TMEM43: variants seen among roughly 807,000 people sequenced by gnomAD.
The protein encoded by TMEM43 is arrhythmogenic right ventricular dysplasia 5.
TMEM43 carries 45 observed loss-of-function variants against 49.6 expected under a neutral mutation model. The ratio of observed to expected loss-of-function variants is 0.91; its 90% CI spans 0.71 to 1.16. The LOEUF is 1.16. TMEM43 is among the 50% of genes most tolerant of loss of function. The pLI is 0.00. For synonymous variants in TMEM43, 199 were observed against 207.8 expected, an observed-to-expected ratio of 0.96 and a Z score of 0.36; for missense variants, 532 against 516.6, an observed-to-expected ratio of 1.03 and a Z score of -0.29.
chr3:14,140,791 G>A (rs1194332143), intron 11 of TMEM43, among the ~76,000 whole-genome samples: 5 of 152,222 alleles, frequency 3.3e-5, no homozygotes, highest in African/African-American at 1.2e-4. Flanking sequence ...TATTATAAGG[G>A]CTGAGTAGCA....
intron 1 of TMEM43, among the ~76,000 whole-genome samples, chr3:14,126,052 C>G (rs1695016695): frequency 6.6e-6 from 1 of 152,122 alleles, no homozygotes; most frequent in Admixed American, 6.5e-5. Flanking sequence ...GTAGAGTGTC[C>G]TAGCAGCTCT....
Position 14,130,824 on chromosome 3 carries a change from C to G in TMEM43, c.165C>G (p.Gly55=), listed in dbSNP as rs1435344075. The G allele has an allele frequency of 5.0e-6, 8 of 1,613,746 alleles. No individual in the cohort carries two copies. Among genetic ancestry groups the G allele is most frequent in the African/African-American group, 1.3e-5 (1 of 75,028 alleles). Residue 55 remains glycine, a splice_region_variant and synonymous_variant, in exon 3 of 12, where the codon GGC becomes GGG. Transcript: ENST00000306077. ...TCCCCACTCCCCTTTGCTCCCAGGGCCGCGCATTGAAGACGGCAACCTCAT... is the reference window on the plus strand; with the variant it reads ...TCCCCACTCCCCTTTGCTCCCAGGGGCGCGCATTGAAGACGGCAACCTCAT... ...LSFYLIFTNE[G]RALKTATSLA...
chr3:14,132,516 AC>A (rs779719982), intron 4 of TMEM43, 29 bp from the exon 5 acceptor site: 7 of 1,613,760 alleles, frequency 4.3e-6, no homozygotes, highest in East Asian at 4.5e-5. Flanking sequence ...GACGAGGCTA[AC>A]CCCCGTGGCT....
intron 6 of TMEM43, 25 bp downstream of exon 6, chr3:14,132,960 G>C: frequency 2.5e-6 from 4 of 1,589,540 alleles, no homozygotes; most frequent in Non-Finnish European, 3.5e-6. Flanking sequence ...CAAGGCCTGA[G>C]TGCAGCTTTG....
intron 6 of TMEM43, 72 bp downstream of exon 6, chr3:14,133,007 C>A (rs1228319534): frequency 1.6e-6 from 2 of 1,290,112 alleles, no homozygotes; most frequent in African/African-American, 1.5e-5. Flanking sequence ...GTTTCTTCAT[C>A]TGAATAACAG....
At chr3:14,127,662 C>G (rs1184945297) in intron 1 of TMEM43, among the ~76,000 whole-genome samples, 1 of 152,194 alleles carries the variant, frequency 6.6e-6, no homozygotes, top group Non-Finnish European at 1.5e-5. Flanking sequence ...CTGTGATAGA[C>G]CCGGTGTGTT....
In TMEM43 at chr3:14,130,867, C is replaced by T. The variant is rs577359875; in HGVS notation, c.208C>T (p.Leu70Phe). The T allele has an allele frequency of 3.7e-6, 6 of 1,613,842 alleles. No homozygotes were observed. The East Asian group carries it at 1.3e-4, about 36-fold the overall frequency. The change falls in exon 3 of 12, where the codon CTT becomes TTT. Residue 70 changes from leucine to phenylalanine, a missense_variant. Physicochemically the swap from Leu to Phe is conservative, Grantham distance 22. Transcript: ENST00000306077. ...AACCTCATTGGCTGAGGGGCTCTCG[C>T]TTGTGGTGTCTCCCGACAGCATCCA... Reference protein sequence around the residue: ...TATSLAEGLSLVVSPDSIHSV... With the variant: ...TATSLAEGLSFVVSPDSIHSV...
chr3:14,128,728 A>G (rs1695050282), intron 1 of TMEM43: 1 of 270,826 alleles, frequency 3.7e-6, no homozygotes, highest in Admixed American at 5.3e-5. Context: ...GTTTCATAAA[A>G]AGTTAAACGT....
At chr3:14,134,035 T>C (rs938832100) in intron 7 of TMEM43, among the ~76,000 whole-genome samples, 1 of 152,124 alleles carries the variant, frequency 6.6e-6, no homozygotes, top group African/African-American at 2.4e-5. Flanking sequence ...GAAATCTGGG[T>C]TGTTCCAGAG....
Position 14,130,836 on chromosome 3 carries a change from GACGGCA to G in TMEM43, c.180_185del (p.Ala61_Thr62del). 6.2e-7 allele frequency: 1 copy of G among 1,613,882 alleles called. No homozygotes were observed. The highest frequency in any genetic ancestry group is 8.5e-7 in the Non-Finnish European group (1 of 1,179,902). ...TTTGCTCCCAGGGCCGCGCATTGAA[GACGGCA>G]ACCTCATTGGCTGAGGGGCTCTCGC... is the stretch of plus-strand genomic sequence containing the variant. On this transcript the variant is annotated inframe_deletion, in exon 3 of 12. Transcript: ENST00000306077.
intron 9 of TMEM43, among the ~76,000 whole-genome samples, chr3:14,135,515 G>A (rs973842199): frequency 1.3e-5 from 2 of 152,150 alleles, no homozygotes; most frequent in East Asian, 1.9e-4. Context: ...CCCCAAGCCC[G>A]TTTTGATCTG....
chr3:14,128,741 ATCT>A (rs1054401356), intron 1 of TMEM43: 41 of 257,708 alleles, frequency 1.6e-4, no homozygotes, highest in African/African-American at 8.3e-4. Flanking sequence ...TTAAACGTAC[ATCT>A]TCTTCACGAG....
At chr3:14,132,961 T>G (rs777743046) in intron 6 of TMEM43, 26 bp downstream of exon 6, 3 of 1,591,076 alleles carry the variant, frequency 1.9e-6, no homozygotes, top group East Asian at 4.5e-5. Flanking sequence ...AAGGCCTGAG[T>G]GCAGCTTTGT....
At chr3:14,133,957 G>A in intron 7 of TMEM43, 148 bp downstream of exon 7, 1 of 796,034 alleles carries the variant, frequency 1.3e-6, no homozygotes, top group South Asian at 1.4e-5. Flanking sequence ...GCCAGGGGAA[G>A]GCGAATCCCC....
At chr3:14,129,652 C>A in intron 2 of TMEM43, 91 bp downstream of exon 2, 1 of 1,408,112 alleles carries the variant, frequency 7.1e-7, no homozygotes, top group Non-Finnish European at 1.0e-6. Context: ...ATTTGGTAAT[C>A]AAGGGCCTAG....
chr3:14,125,131 C>G lies in TMEM43; in HGVS notation c.-63C>G. The G allele has an allele frequency of 1.9e-6, 3 of 1,602,292 alleles. No individual in the cohort carries two copies. The highest frequency in any genetic ancestry group is 2.2e-5 in the East Asian group (1 of 44,460). On this transcript the variant is annotated 5_prime_UTR_variant, in exon 1 of 12. Coordinates refer to ENST00000306077, the MANE Select transcript of TMEM43 (RefSeq NM_024334.3). ...GCAAGAGGCCGCTGGACACCACGCT[C>G]CAGTCGTCAGCCCACTTCCTAGCTG...
At position 14,125,152 on chromosome 3, in the gene TMEM43, A is replaced by G; in HGVS notation, c.-42A>G. 2 of 1,608,622 alleles carry G rather than the reference A, an allele frequency of 1.2e-6. No individual in the cohort carries two copies. Among genetic ancestry groups the G allele is most frequent in the East Asian group, 2.2e-5 (1 of 44,676 alleles). On this transcript the variant is annotated 5_prime_UTR_variant, in exon 1 of 12. Transcript: ENST00000306077. ...CGCTCCAGTCGTCAGCCCACTTCCT[A>G]GCTGAACAGCGCGAGGCGGCGGCAG...
intron 2 of TMEM43, among the ~76,000 whole-genome samples, chr3:14,130,351 G>A (rs1474696695): frequency 6.6e-6 from 1 of 152,062 alleles, no homozygotes; most frequent in East Asian, 1.9e-4. Context: ...TAGGAGAGAG[G>A]AGAGCCAGGC....
chr3:14,131,979 G>A (rs1325110529), intron 4 of TMEM43, among the ~76,000 whole-genome samples: 7 of 152,106 alleles, frequency 4.6e-5, no homozygotes, highest in African/African-American at 1.4e-4. Context: ...GGATCAGCAT[G>A]TCAACCCCGA....
Sources: gnomAD v4.1 joint callset for allele counts (sites outside exome capture counted in the v4.1 genomes callset) on GRCh38, gnomAD v4.1.1 for gene constraint, MANE v1.5 for transcripts, NCBI Gene and HGNC (gene_info 2026-07-23, HGNC 2026-07-21) for gene names.